Variants in MGAT4C observed in about 807,000 individuals in gnomAD.
MGAT4C encodes the protein alpha-1,3-mannosyl-glycoprotein 4-beta-N-acetylglucosaminyltransferase C.
In MGAT4C, 19 loss-of-function variants were observed where a neutral mutation model predicts 40.1. The ratio of observed to expected loss-of-function variants is 0.47; its 90% CI spans 0.33 to 0.70. MGAT4C has a LOEUF of 0.70. Among genes scored for constraint, MGAT4C ranks in the 30% least tolerant of loss-of-function variants. MGAT4C has a pLI of 0.02. For synonymous variants in MGAT4C, 181 were observed against 187.1 expected, an observed-to-expected ratio of 0.97 and a Z score of 0.27; for missense variants, 491 against 563.2, an observed-to-expected ratio of 0.87 and a Z score of 1.30.
chr12:86,775,730 G>T (rs920162707), intron 1 of MGAT4C, among the ~76,000 whole-genome samples: 1 of 151,552 alleles, frequency 6.6e-6, no homozygotes, highest in Admixed American at 6.6e-5. Context: ...AAGGATAATG[G>T]TGCTCAAATG....
intron 1 of MGAT4C, among the ~76,000 whole-genome samples, chr12:86,728,756 C>A (rs1434758267): frequency 6.6e-6 from 1 of 152,200 alleles, no homozygotes; most frequent in African/African-American, 2.4e-5. Context: ...TTAGGCCACA[C>A]TTTTTTCTCC....
chr12:86,581,451 G>T, intron 2 of MGAT4C, among the ~76,000 whole-genome samples: 1 of 151,482 alleles, frequency 6.6e-6, no homozygotes, highest in South Asian at 2.1e-4. Flanking sequence ...TGCTGCTAGG[G>T]ATGGTACTGT....
intron 3 of MGAT4C, among the ~76,000 whole-genome samples, chr12:86,378,487 C>T (rs533573857): frequency 3.3e-5 from 5 of 152,010 alleles, no homozygotes; most frequent in East Asian, 1.9e-4. Context: ...AATTCATATC[C>T]GTGAGTTTTA....
At chr12:86,515,332 G>T (rs1180919180) in intron 2 of MGAT4C, among the ~76,000 whole-genome samples, 2 of 152,172 alleles carry the variant, frequency 1.3e-5, no homozygotes, top group East Asian at 1.9e-4. Flanking sequence ...CGAAAAGAAA[G>T]AAGCAAAACT....
intron 2 of MGAT4C, among the ~76,000 whole-genome samples, chr12:86,000,293 G>T (rs199768278): frequency 6.6e-6 from 1 of 151,998 alleles, no homozygotes; most frequent in African/African-American, 2.4e-5. Flanking sequence ...AGAAACAAAT[G>T]CTGGTCCTTC....
intron 4 of MGAT4C, among the ~76,000 whole-genome samples, chr12:86,315,359 T>C (rs1379847006): frequency 6.6e-6 from 1 of 152,052 alleles, no homozygotes; most frequent in Non-Finnish European, 1.5e-5. Flanking sequence ...ATACAAAAAA[T>C]AACTCAAGAT....
intron 2 of MGAT4C, among the ~76,000 whole-genome samples, chr12:86,462,653 T>G (rs1957618690): frequency 6.6e-6 from 1 of 152,138 alleles, no homozygotes; most frequent in Non-Finnish European, 1.5e-5. Flanking sequence ...AAGCCAACAG[T>G]GCAGCCTTCA....
chr12:86,816,791 T>C (rs1185421208), intron 1 of MGAT4C, among the ~76,000 whole-genome samples: 1 of 151,680 alleles, frequency 6.6e-6, no homozygotes, highest in African/African-American at 2.4e-5. Flanking sequence ...TTTATTTTTG[T>C]ACCAAACATT....
Position 85,980,282 on chromosome 12 carries a change from C to G in MGAT4C, c.444G>C (p.Trp148Cys). Residue 148 changes from tryptophan (W) to cysteine (C), a missense_variant, in exon 5 of 5, where the codon TGG becomes TGC. Physicochemically the swap from Trp to Cys is radical, Grantham distance 215. Coordinates refer to ENST00000611864, the MANE Select transcript of MGAT4C (RefSeq NM_001351288.2). ...VVHLADFNSS[W>C]RDAMVQDITQ... The stretch of plus-strand genomic sequence containing the variant: ...TAATATCCTGGACCATGGCATCACG[C>G]CAGGAAGAATTAAAGTCTGCTAGGT... The G allele has an allele frequency of 6.2e-7, 1 of 1,613,860 alleles. No individual in the cohort carries two copies. Among genetic ancestry groups the G allele is most frequent in the Non-Finnish European group, 8.5e-7 (1 of 1,179,872 alleles).
intron 2 of MGAT4C, among the ~76,000 whole-genome samples, chr12:86,556,550 A>G (rs1959620191): frequency 6.6e-6 from 1 of 152,146 alleles, no homozygotes; most frequent in African/African-American, 2.4e-5. Context: ...TGACATTACT[A>G]GATGGCATTT....
intron 2 of MGAT4C, among the ~76,000 whole-genome samples, chr12:86,587,016 A>T (rs1181922720): frequency 6.6e-6 from 1 of 152,090 alleles, no homozygotes; most frequent in East Asian, 1.9e-4. Context: ...TTTAGTCATG[A>T]AGTCCTTGTC....
chr12:86,713,224 T>C (rs1950590178), intron 2 of MGAT4C, among the ~76,000 whole-genome samples: 1 of 152,128 alleles, frequency 6.6e-6, no homozygotes, highest in Non-Finnish European at 1.5e-5. Context: ...TTACATGTTG[T>C]TTTTTAAAGA....
chr12:85,983,798 C>T (rs1416518890), intron 3 of MGAT4C, 128 bp from the exon 4 acceptor site: 1 of 688,250 alleles, frequency 1.5e-6, no homozygotes, highest in East Asian at 3.2e-5. Flanking sequence ...TAAATCTCAA[C>T]TACTGACGTC....
chr12:86,744,247 C>T (rs994439768), intron 1 of MGAT4C, among the ~76,000 whole-genome samples: 4 of 151,446 alleles, frequency 2.6e-5, no homozygotes, highest in African/African-American at 9.7e-5. Context: ...TCTTTCTACT[C>T]TACCATATTC....
chr12:86,827,463 T>A (rs1952830101), intron 1 of MGAT4C, among the ~76,000 whole-genome samples: 1 of 151,472 alleles, frequency 6.6e-6, no homozygotes, highest in South Asian at 2.1e-4. Flanking sequence ...GAACAATAAC[T>A]ACCAGGTCAG....
chr12:86,631,322 A>T (rs1218601369), intron 2 of MGAT4C, among the ~76,000 whole-genome samples: 1 of 152,132 alleles, frequency 6.6e-6, no homozygotes, highest in African/African-American at 2.4e-5. Context: ...GAATATGGCC[A>T]TACTGTCCAA....
At chr12:86,416,908 A>G (rs1201413867) in intron 3 of MGAT4C, among the ~76,000 whole-genome samples, 2 of 152,290 alleles carry the variant, frequency 1.3e-5, no homozygotes, top group East Asian at 1.9e-4. Context: ...ATATGAATCC[A>G]GAAGTCAGAA....
chr12:86,635,731 C>T (rs529831133), intron 2 of MGAT4C, among the ~76,000 whole-genome samples: 16 of 151,722 alleles, frequency 1.1e-4, no homozygotes, highest in African/African-American at 2.4e-4. Flanking sequence ...TGGAGTTCCA[C>T]GGTGGTGCAA....
At chr12:86,636,470 G>C (rs1963222553) in intron 2 of MGAT4C, among the ~76,000 whole-genome samples, 1 of 152,006 alleles carries the variant, frequency 6.6e-6, no homozygotes, top group African/African-American at 2.4e-5. Context: ...GGGCTTTGGG[G>C]ATGTAGTTAG....
Sources: gnomAD v4.1 joint callset for allele counts (sites outside exome capture counted in the v4.1 genomes callset) on GRCh38, gnomAD v4.1.1 for gene constraint, MANE v1.5 for transcripts, NCBI Gene and HGNC (gene_info 2026-07-23, HGNC 2026-07-21) for gene names.